Variants in CAV1 observed in about 807,000 individuals in gnomAD.
The protein encoded by CAV1 is caveolin 1.
Under a neutral mutation model 16.5 loss-of-function variants are expected in CAV1, and 10 were observed. The observed-to-expected ratio is 0.61, with a 90% CI of 0.37 to 1.03. The LOEUF (loss-of-function observed/expected upper bound fraction) is 1.03, where lower values mean the gene tolerates loss of function less well. CAV1 is among the 50% of genes least tolerant of loss of function. The pLI is 0.01. For missense variants in CAV1, 212 were observed against 232.8 expected (o/e 0.91, Z 0.58); for synonymous variants, 76 against 85.1 (o/e 0.89, Z 0.59).
intron 2 of CAV1, among the ~76,000 whole-genome samples, chr7:116,556,781 TAC>T (rs1794302529): frequency 1.7e-5 from 1 of 59,948 alleles, no homozygotes; most frequent in Non-Finnish European, 3.7e-5. Flanking sequence ...TTTCCCATTA[TAC>T]ACTCAAAATG....
At chr7:116,553,656 T>C (rs1794207268) in intron 2 of CAV1, among the ~76,000 whole-genome samples, 1 of 152,070 alleles carries the variant, frequency 6.6e-6, no homozygotes, top group South Asian at 2.1e-4. Context: ...AAGCCCATTT[T>C]TAATTCTTGT....
At position 116,559,709 on chromosome 7, in the gene CAV1, T is replaced by C. The variant is rs1157428623; in HGVS notation, c.*422T>C. 2 of 511,596 alleles carry C rather than the reference T, an allele frequency of 3.9e-6. No homozygotes were observed. The highest frequency in any genetic ancestry group is 3.7e-5 in the Admixed American group (1 of 26,748). 31.7% of individuals were successfully genotyped at this position (511,596 alleles called of 1,614,324 possible). ...AGGGAAGAATTCCAGGGTATGGCCA[T>C]GGAGTGTACAAGTATGTGGGCAGAT... On this transcript the variant is annotated 3_prime_UTR_variant, in exon 3 of 3. Transcript: ENST00000341049.
intron 2 of CAV1, among the ~76,000 whole-genome samples, chr7:116,540,551 TC>T (rs1259321899): frequency 1.3e-5 from 2 of 152,342 alleles, no homozygotes; most frequent in African/African-American, 2.4e-5. Flanking sequence ...TAACTTGGTA[TC>T]TAACATACAG....
intron 2 of CAV1, among the ~76,000 whole-genome samples, chr7:116,548,162 C>G (rs1287225129): frequency 6.6e-6 from 1 of 152,192 alleles, no homozygotes; most frequent in East Asian, 1.9e-4. Flanking sequence ...ATGCCTGGAC[C>G]CTGCCCTTGG....
chr7:116,525,814 G>A, intron 1 of CAV1: 4 of 1,028,984 alleles, frequency 3.9e-6, no homozygotes, highest in Non-Finnish European at 4.7e-6. Flanking sequence ...AGGTGAGACT[G>A]AGTTCTAGGA....
At chr7:116,539,376 T>G (rs898963051) in intron 2 of CAV1, among the ~76,000 whole-genome samples, 3 of 152,122 alleles carry the variant, frequency 2.0e-5, no homozygotes, top group Admixed American at 6.5e-5. Flanking sequence ...CAGTGCCCCA[T>G]GCAGAGTCAG....
Position 116,559,544 on chromosome 7 carries a change from T to C in CAV1, c.*257T>C, listed in dbSNP as rs1584788618. Reference sequence around the variant, plus strand: ...TTTTTATTTGCATGTGGATCAACCATCGCTTTATTGGCTGAGATATGAACA... The same window carrying C: ...TTTTTATTTGCATGTGGATCAACCACCGCTTTATTGGCTGAGATATGAACA... On this transcript the variant is annotated 3_prime_UTR_variant, in exon 3 of 3. Transcript: ENST00000341049. The C allele has an allele frequency of 3.4e-6, 2 of 593,618 alleles. No homozygotes were observed. The highest frequency in any genetic ancestry group is 3.7e-5 in the African/African-American group (2 of 53,508). The allele number at this position is 593,618 out of a possible 1,614,324, so 36.8% of individuals were successfully genotyped here.
chr7:116,525,230 G>C, intron 1 of CAV1, 138 bp downstream of exon 1: 1 of 1,611,196 alleles, frequency 6.2e-7, no homozygotes, highest in South Asian at 1.1e-5. Context: ...CGTTGGCACC[G>C]CTGAGGAATG....
intron 2 of CAV1, among the ~76,000 whole-genome samples, chr7:116,548,014 G>A (rs901715991): frequency 1.3e-5 from 2 of 152,048 alleles, no homozygotes; most frequent in African/African-American, 2.4e-5. Flanking sequence ...CACAGTAATC[G>A]ATTATCACAC....
At chr7:116,534,376 TA>T (rs1793752897) in intron 2 of CAV1, among the ~76,000 whole-genome samples, 8 of 14,790 alleles carry the variant, frequency 5.4e-4, no homozygotes, top group Non-Finnish European at 1.1e-3. Flanking sequence ...TATATATATA[TA>T]TATATATATA....
At chr7:116,538,130 C>T (rs558651575) in intron 2 of CAV1, among the ~76,000 whole-genome samples, 3 of 152,248 alleles carry the variant, frequency 2.0e-5, no homozygotes, top group African/African-American at 7.2e-5. Flanking sequence ...CTCAATTTGC[C>T]TGCTCAATTT....
chr7:116,555,514 A>C (rs1371749750), intron 2 of CAV1, among the ~76,000 whole-genome samples: 1 of 10,284 alleles, frequency 9.7e-5, no homozygotes, highest in African/African-American at 3.3e-4. Context: ...GAAAGAAAGA[A>C]AGAAAGAGAG....
In CAV1 at chr7:116,559,300, G is replaced by A. The variant is rs1794357042; in HGVS notation, c.*13G>A. Reference sequence around the variant, plus strand: ...GAAAGAAATATAAATGACATTTCAAGGATAGAAGTATACCTGATTTTTTTT... The same window carrying A: ...GAAAGAAATATAAATGACATTTCAAAGATAGAAGTATACCTGATTTTTTTT... On this transcript the variant is annotated 3_prime_UTR_variant, in exon 3 of 3. Transcript: ENST00000341049. 1 of 1,599,092 alleles carries A rather than the reference G, an allele frequency of 6.3e-7. No individual in the cohort carries two copies. Among genetic ancestry groups the A allele is most frequent in the Non-Finnish European group, 8.6e-7 (1 of 1,166,810 alleles).
At chr7:116,540,608 C>T (rs941139249) in intron 2 of CAV1, among the ~76,000 whole-genome samples, 1 of 152,046 alleles carries the variant, frequency 6.6e-6, no homozygotes, top group Non-Finnish European at 1.5e-5. Context: ...CAGAAACTTG[C>T]GTGAACAAGT....
intron 2 of CAV1, among the ~76,000 whole-genome samples, chr7:116,557,675 T>C (rs1562839590): frequency 6.6e-6 from 1 of 152,126 alleles, no homozygotes. Flanking sequence ...GCTAACCAAG[T>C]CCTGTGGATT....
At chr7:116,533,210 C>T (rs527700799) in intron 2 of CAV1, among the ~76,000 whole-genome samples, 6 of 151,874 alleles carry the variant, frequency 4.0e-5, no homozygotes, top group South Asian at 2.1e-4. Flanking sequence ...TGTGGTAGCG[C>T]GTGTTTAATC....
At chr7:116,555,448 A>AAGGAAGG (rs1794242343) in intron 2 of CAV1, among the ~76,000 whole-genome samples, 2 of 37,352 alleles carry the variant, frequency 5.4e-5, no homozygotes, top group Admixed American at 3.7e-4. Context: ...CCAAAAAAAG[A>AAGGAAGG]AAGGAAGGAA....
chr7:116,525,192 C>G lies in CAV1; in HGVS notation c.30+100C>G, dbSNP rs746620461. 6.2e-6 allele frequency: 10 copies of G among 1,613,732 alleles called. No individual in the cohort carries two copies. In the African/African-American group the frequency reaches 1.2e-4, roughly 19 times the overall value. The stretch of plus-strand genomic sequence containing the variant: ...CCCGACTGCTGCCCTGGCCCCAGCC[C>G]TCTCTCCACTTCGGAGCACTCCTCT... On this transcript the variant is annotated intron_variant, in intron 1 of 2. Transcript: ENST00000341049.
Position 116,525,091 on chromosome 7 carries a change from A to T in CAV1, c.29A>T (p.Glu10Val). 1 of 1,614,040 alleles carries T rather than the reference A, an allele frequency of 6.2e-7. No homozygotes were observed. The highest frequency in any genetic ancestry group is 1.7e-5 in the Admixed American group (1 of 60,018). ...TCTGGGGGCAAATACGTAGACTCGGAGGTAGGCATCCGTGGGGGGGCGCCG... is the reference window on the plus strand; with the variant it reads ...TCTGGGGGCAAATACGTAGACTCGGTGGTAGGCATCCGTGGGGGGGCGCCG... The part of the protein sequence containing the change: MSGGKYVDS[E>V]GHLYTVPIRE... The change falls in exon 1 of 3, where the codon GAG becomes GTG. Residue 10 changes from glutamate to valine, a missense_variant and splice_region_variant. By Grantham distance (121) the Glu-to-Val change is moderately radical. Transcript: ENST00000341049.
Sources: allele counts gnomAD v4.1 joint callset (sites outside exome capture counted in the v4.1 genomes callset), GRCh38; gene constraint gnomAD v4.1.1; transcripts MANE v1.5; gene names NCBI Gene and HGNC (gene_info 2026-07-23, HGNC 2026-07-21).